The following TBXAS1 variants were observed in gnomAD, a reference collection of about 807,000 sequenced individuals.
The protein encoded by TBXAS1 is thromboxane-A synthase.
A neutral mutation model predicts 60.7 loss-of-function variants in TBXAS1; 48 were observed. That is an observed-to-expected ratio of 0.79 (90% CI 0.63 to 1.01). TBXAS1 has a LOEUF of 1.01. Ranked by LOEUF, TBXAS1 falls within the 50% of genes least tolerant of loss-of-function variation. The probability of loss-of-function intolerance (pLI) is 0.00; values close to 1 mark genes in which losing one functional copy is unlikely to be tolerated. For synonymous variants in TBXAS1, 287 were observed against 269.7 expected, an observed-to-expected ratio of 1.06 and a Z score of -0.63; for missense variants, 685 against 686.3, an observed-to-expected ratio of 1.00 and a Z score of 0.02.
At chr7:139,876,118 C>T (rs547526231) in intron 3 of TBXAS1, among the ~76,000 whole-genome samples, 1 of 152,310 alleles carries the variant, frequency 6.6e-6, no homozygotes, top group South Asian at 2.1e-4. Context: ...ATCCAGTTCC[C>T]TTTTGAAAGT....
chr7:139,935,784 CACA>C (rs1321979098), intron 4 of TBXAS1, among the ~76,000 whole-genome samples: 25 of 151,896 alleles, frequency 1.6e-4, no homozygotes, highest in African/African-American at 6.1e-4. Flanking sequence ...CCAATCCAGT[CACA>C]CAAAACCCTG....
chr7:139,847,013 C>G (rs749445005), intron 1 of TBXAS1, among the ~76,000 whole-genome samples: 124 of 152,228 alleles, frequency 8.1e-4, no homozygotes, highest in Non-Finnish European at 1.3e-3. Context: ...TCCCTGTCTC[C>G]TTGAAAGGGA....
chr7:139,979,232 A>G (rs1811789003), intron 9 of TBXAS1, among the ~76,000 whole-genome samples: 1 of 152,150 alleles, frequency 6.6e-6, no homozygotes, highest in South Asian at 2.1e-4. Flanking sequence ...TCCCAAAGTC[A>G]TTTCTCCTCT....
intron 10 of TBXAS1, among the ~76,000 whole-genome samples, chr7:140,015,235 A>G (rs1814933058): frequency 6.6e-6 from 1 of 152,164 alleles, no homozygotes; most frequent in Non-Finnish European, 1.5e-5. Flanking sequence ...GAGGGGACAG[A>G]TGCCAGGCAG....
intron 3 of TBXAS1, chr7:139,906,184 T>G: frequency 3.6e-6 from 1 of 280,198 alleles, no homozygotes; most frequent in Non-Finnish European, 7.1e-6. Context: ...GCCTCCTGAG[T>G]AGCTGGCACT....
At chr7:139,880,707 AT>A (rs939223084) in intron 3 of TBXAS1, among the ~76,000 whole-genome samples, 3 of 152,154 alleles carry the variant, frequency 2.0e-5, no homozygotes, top group Admixed American at 1.3e-4. Flanking sequence ...ATGTATCCTA[AT>A]TTTTAAAACA....
At chr7:139,836,412 A>C (rs544071988) in intron 1 of TBXAS1, among the ~76,000 whole-genome samples, 1 of 152,360 alleles carries the variant, frequency 6.6e-6, no homozygotes, top group South Asian at 2.1e-4. Context: ...ACCTTATTTC[A>C]AACTATACTA....
In TBXAS1 at chr7:139,984,712, G is replaced by A. The variant is rs1178765971; in HGVS notation, c.1135-22379G>A. On this transcript the variant is annotated intron_variant, in intron 9 of 12. Coordinates refer to ENST00000448866, the MANE Select transcript of TBXAS1 (RefSeq NM_001061.7). Reference sequence around the variant, plus strand: ...AAGAAAGAAGAAAGAAAAAGAAAGAGGAAGGAAGGAAAAGAAAGAAAGAAA... The same window carrying A: ...AAGAAAGAAGAAAGAAAAAGAAAGAAGAAGGAAGGAAAAGAAAGAAAGAAA... 2.5e-5 allele frequency among the ~76,000 whole-genome samples: 3 copies of A among 121,410 alleles called. No homozygotes were observed. In the Admixed American group the frequency reaches 2.7e-4, roughly 11 times the overall value. 79.6% of individuals were successfully genotyped at this position (121,410 alleles called of 152,430 possible).
chr7:140,003,116 C>A, intron 9 of TBXAS1, among the ~76,000 whole-genome samples: 1 of 134,270 alleles, frequency 7.4e-6, no homozygotes, highest in Non-Finnish European at 1.6e-5. Flanking sequence ...AAGAGCGAAA[C>A]TCCGTCTCAA....
intron 3 of TBXAS1, among the ~76,000 whole-genome samples, chr7:139,785,584 C>T (rs1797166622): frequency 6.6e-6 from 1 of 152,100 alleles, no homozygotes; most frequent in East Asian, 1.9e-4. Context: ...TGGACTGCTG[C>T]GCTATTTTTT....
chr7:139,788,129 G>A (rs1797257383), intron 4 of TBXAS1, among the ~76,000 whole-genome samples: 1 of 152,164 alleles, frequency 6.6e-6, no homozygotes, highest in South Asian at 2.1e-4. Context: ...GTATTGCTGT[G>A]GCTTCTGAGG....
intron 3 of TBXAS1, among the ~76,000 whole-genome samples, chr7:139,785,139 G>A (rs951535175): frequency 6.6e-6 from 1 of 152,204 alleles, no homozygotes; most frequent in African/African-American, 2.4e-5. Flanking sequence ...GAGAGGCTAA[G>A]AGGCTAAAGG....
intron 9 of TBXAS1, among the ~76,000 whole-genome samples, chr7:139,990,765 C>G (rs1369552443): frequency 6.6e-6 from 1 of 151,750 alleles, no homozygotes; most frequent in Non-Finnish European, 1.5e-5. Context: ...GACCTCTACC[C>G]CTGGCTGCCT....
intron 9 of TBXAS1, among the ~76,000 whole-genome samples, chr7:139,978,709 G>T (rs1584993799): frequency 1.3e-5 from 2 of 151,340 alleles, no homozygotes; most frequent in African/African-American, 4.9e-5. Context: ...AGGCCAAGGT[G>T]GGAGGATCAC....
intron 9 of TBXAS1, among the ~76,000 whole-genome samples, chr7:140,003,231 G>A (rs1010967585): frequency 6.6e-6 from 1 of 151,294 alleles, no homozygotes; most frequent in African/African-American, 2.4e-5. Flanking sequence ...TTGTCTGTTT[G>A]TTTGAGATGG....
At chr7:139,830,146 T>C (rs544061052) in intron 1 of TBXAS1, among the ~76,000 whole-genome samples, 90 of 152,318 alleles carry the variant, frequency 5.9e-4, no homozygotes, top group African/African-American at 2.1e-3. Context: ...CTGGTGTCTG[T>C]AGGTCGAAGG....
At chr7:139,897,356 C>A (rs1416142979) in intron 3 of TBXAS1, among the ~76,000 whole-genome samples, 1 of 60,408 alleles carries the variant, frequency 1.7e-5, no homozygotes, top group Non-Finnish European at 3.3e-5. Flanking sequence ...GGACCGGGGG[C>A]AGGCAGGCGG....
chr7:139,814,251 A>C (rs561680004), intron 4 of TBXAS1, among the ~76,000 whole-genome samples: 16 of 152,292 alleles, frequency 1.1e-4, no homozygotes, highest in Admixed American at 1.0e-3. Flanking sequence ...GAAGGTTTAA[A>C]GTGTGGAGTA....
At chr7:139,894,205 C>T (rs147318837) in intron 3 of TBXAS1, among the ~76,000 whole-genome samples, 105 of 152,304 alleles carry the variant, frequency 6.9e-4, no homozygotes, top group African/African-American at 2.1e-3. Context: ...CCACCACCCA[C>T]GCACCACACC....
Sources: allele counts gnomAD v4.1 joint callset (sites outside exome capture counted in the v4.1 genomes callset), GRCh38; gene constraint gnomAD v4.1.1; transcripts MANE v1.5; gene names NCBI Gene and HGNC (gene_info 2026-07-23, HGNC 2026-07-21).